The following CCDC171 variants were observed in gnomAD, a reference collection of about 807,000 sequenced individuals.
The protein encoded by CCDC171 is coiled-coil domain containing 171, also known as coiled-coil domain-containing protein 171.
CCDC171 carries 177 observed loss-of-function variants against 168.2 expected under a neutral mutation model. The ratio of observed to expected loss-of-function variants is 1.05; its 90% CI spans 0.93 to 1.19. The LOEUF (loss-of-function observed/expected upper bound fraction) is 1.19. CCDC171 is among the 50% of genes most tolerant of loss of function. CCDC171 has a pLI of 0.00. For synonymous variants in CCDC171, 687 were observed against 540.8 expected (o/e 1.27, Z -3.75); for missense variants, 1,991 against 1,539.0 (o/e 1.29, Z -4.91).
intron 4 of CCDC171, among the ~76,000 whole-genome samples, chr9:15,581,625 C>T (rs191544104): frequency 6.6e-6 from 1 of 151,342 alleles, no homozygotes; most frequent in East Asian, 1.9e-4. Context: ...GAAATAACAC[C>T]AGACATCTAC....
chr9:15,738,391 A>G (rs2054627318), intron 16 of CCDC171, among the ~76,000 whole-genome samples: 4 of 152,196 alleles, frequency 2.6e-5, no homozygotes, highest in African/African-American at 9.6e-5. Context: ...TATTTTTGTT[A>G]TGCTATTGAA....
chr9:15,872,380 T>C (rs946073106), intron 23 of CCDC171, among the ~76,000 whole-genome samples: 3 of 152,084 alleles, frequency 2.0e-5, no homozygotes, highest in African/African-American at 7.2e-5. Flanking sequence ...AAATGTGGCT[T>C]ACTGTTCACT....
At chr9:16,071,779 G>A in the CCDC171 span, among the ~76,000 whole-genome samples, 1 of 152,116 alleles carries the variant, frequency 6.6e-6, no homozygotes, top group Non-Finnish European at 1.5e-5. Flanking sequence ...TCTTCTGTAT[G>A]TTGTTTTTTG....
chr9:15,911,910 C>G (rs958669153), intron 24 of CCDC171, among the ~76,000 whole-genome samples: 5 of 152,042 alleles, frequency 3.3e-5, no homozygotes, highest in Admixed American at 6.6e-5. Context: ...GGTCTACATA[C>G]CTGTTTTGGT....
chr9:15,797,637 G>T (rs930672354), intron 21 of CCDC171, among the ~76,000 whole-genome samples: 1 of 151,588 alleles, frequency 6.6e-6, no homozygotes, highest in Admixed American at 6.6e-5. Flanking sequence ...TCTTTGGTTT[G>T]CTTTTTCATT....
At chr9:15,861,023 T>G (rs2061535309) in intron 23 of CCDC171, among the ~76,000 whole-genome samples, 1 of 139,884 alleles carries the variant, frequency 7.1e-6, no homozygotes, top group Non-Finnish European at 1.5e-5. Flanking sequence ...TATATAATGT[T>G]ATTCTTTGTC....
At chr9:15,671,670 G>A (rs200979550) in intron 9 of CCDC171, among the ~76,000 whole-genome samples, 2 of 145,174 alleles carry the variant, frequency 1.4e-5, no homozygotes, top group Admixed American at 7.2e-5. Flanking sequence ...CATCCATGTC[G>A]CTGCAAAGGA....
In CCDC171 at chr9:15,578,837, A is replaced by G. The variant is rs1440126659; in HGVS notation, c.178-12A>G. 1.9e-6 allele frequency: 3 copies of G among 1,607,170 alleles called. No homozygotes were observed. Among genetic ancestry groups the G allele is most frequent in the East Asian group, 2.2e-5 (1 of 44,734 alleles). The stretch of plus-strand genomic sequence containing the variant: ...CTTTGGACACATGTTGATATCAGGA[A>G]TCTGTTTTTAGCTGGCAAGCTATGA... On this transcript the variant is annotated splice_polypyrimidine_tract_variant and intron_variant, in intron 3 of 25. Transcript: ENST00000380701.
intron 24 of CCDC171, among the ~76,000 whole-genome samples, chr9:15,893,484 A>G (rs1039406461): frequency 6.6e-6 from 1 of 152,188 alleles, no homozygotes; most frequent in African/African-American, 2.4e-5. Flanking sequence ...AGCTATCATC[A>G]GATTGAGCAG....
chr9:15,758,592 T>G (rs1440082027), intron 18 of CCDC171, among the ~76,000 whole-genome samples: 2 of 152,138 alleles, frequency 1.3e-5, no homozygotes, highest in East Asian at 3.9e-4. Flanking sequence ...GATTTTGAAA[T>G]GTGAGGACAT....
intron 21 of CCDC171, among the ~76,000 whole-genome samples, chr9:15,824,067 AT>A (rs945271428): frequency 3.3e-5 from 5 of 151,896 alleles, no homozygotes; most frequent in African/African-American, 1.2e-4. Context: ...AGTGGAGAAA[AT>A]TTTTTTCCAA....
rs57651824 is a variant in CCDC171 at position 15,799,135 on chromosome 9, C to CATATATATATATATAT, written c.3267+14457_3267+14472dup. Among the ~76,000 whole-genome samples the CATATATATATATATAT allele has an allele frequency of 6.9e-3, 750 of 108,872 alleles. 19 individuals carry two copies. Among genetic ancestry groups the CATATATATATATATAT allele is most frequent in the Middle Eastern group, 0.015 (3 of 204 alleles). 71.4% of individuals were successfully genotyped at this position (108,872 alleles called of 152,430 possible). ...GAAAACAATTGTCTTTCATCATTGC[C>CATATATATATATATAT]ATATATATATATATATATATATATA... On this transcript the variant is annotated intron_variant, in intron 21 of 25. Transcript: ENST00000380701.
At chr9:15,559,191 G>C (rs560993399) in intron 1 of CCDC171, among the ~76,000 whole-genome samples, 1 of 152,118 alleles carries the variant, frequency 6.6e-6, no homozygotes, top group Admixed American at 6.6e-5. Context: ...ATGTGGTGCC[G>C]AGAAGAATGT....
intron 21 of CCDC171, among the ~76,000 whole-genome samples, chr9:15,822,298 G>A (rs200998423): frequency 3.9e-4 from 60 of 151,920 alleles, no homozygotes; most frequent in African/African-American, 9.7e-4. Flanking sequence ...CTAAAACACC[G>A]AAGGCAATGG....
chr9:15,627,377 T>C (rs2132179442), intron 7 of CCDC171, among the ~76,000 whole-genome samples: 1 of 152,302 alleles, frequency 6.6e-6, no homozygotes, highest in African/African-American at 2.4e-5. Context: ...ATGTGTTTGC[T>C]CTTGCTTCTG....
downstream of CCDC171, among the ~76,000 whole-genome samples, chr9:16,063,591 C>G (rs754151403): frequency 6.6e-6 from 1 of 152,190 alleles, no homozygotes; most frequent in South Asian, 2.1e-4. Context: ...GCTGCTGTTA[C>G]GGAAAAGCGA....
At chr9:15,910,115 C>A (rs969074116) in intron 24 of CCDC171, among the ~76,000 whole-genome samples, 1 of 151,758 alleles carries the variant, frequency 6.6e-6, no homozygotes, top group Non-Finnish European at 1.5e-5. Flanking sequence ...CATGTGGCTG[C>A]ATAAGACATG....
chr9:15,738,556 G>A (rs535768335), intron 16 of CCDC171, among the ~76,000 whole-genome samples: 46 of 152,128 alleles, frequency 3.0e-4, no homozygotes, highest in Non-Finnish European at 5.6e-4. Context: ...CCATATGAAA[G>A]CGATGTTCCT....
chr9:15,641,593 G>A (rs1337389873), intron 7 of CCDC171, among the ~76,000 whole-genome samples: 1 of 152,050 alleles, frequency 6.6e-6, no homozygotes, highest in Non-Finnish European at 1.5e-5. Flanking sequence ...CTCATTCCTG[G>A]TTTATAATAA....
Sources: gnomAD v4.1 joint callset for allele counts (sites outside exome capture counted in the v4.1 genomes callset) on GRCh38, gnomAD v4.1.1 for gene constraint, MANE v1.5 for transcripts, NCBI Gene and HGNC (gene_info 2026-07-23, HGNC 2026-07-21) for gene names.